Variants in NHERF2 observed in about 807,000 individuals in gnomAD.
NHERF2 encodes Na(+)/H(+) exchange regulatory cofactor NHE-RF2.
chr16:2,028,966 G>C, the NHERF2 span, among the ~76,000 whole-genome samples: 1 of 152,316 alleles, frequency 6.6e-6, no homozygotes, highest in East Asian at 1.9e-4. Context: ...CTGTGTGTGG[G>C]TGCCCGAGCC....
At chr16:2,034,958 T>G in the NHERF2 span, among the ~76,000 whole-genome samples, 6 of 152,106 alleles carry the variant, frequency 3.9e-5, no homozygotes, top group Admixed American at 2.0e-4. Context: ...TGAGTCTATG[T>G]GGTGGGGCCC....
the NHERF2 span, chr16:2,033,299 G>C: frequency 2.6e-6 from 4 of 1,532,632 alleles, no homozygotes; most frequent in South Asian, 1.2e-5. Flanking sequence ...CGGCCAGAGA[G>C]TTCAGGCCAC....
At chr16:2,036,915 G>A in the NHERF2 span, 1 of 1,586,982 alleles carries the variant, frequency 6.3e-7, no homozygotes. Flanking sequence ...GGTGGGTGCG[G>A]TGTGGTGGCT....
chr16:2,037,882 C>T, the NHERF2 span: 4 of 1,606,612 alleles, frequency 2.5e-6, no homozygotes, highest in Non-Finnish European at 3.4e-6. Context: ...ACCTGAGCCC[C>T]ACGGCGGCCG....
the NHERF2 span, chr16:2,036,675 C>T: frequency 4.6e-5 from 73 of 1,595,318 alleles, no homozygotes; most frequent in Middle Eastern, 8.4e-4. Flanking sequence ...GGCCACGCGG[C>T]GTTGGGGGCT....
chr16:2,030,347 C>T, the NHERF2 span, among the ~76,000 whole-genome samples: 3 of 152,102 alleles, frequency 2.0e-5, no homozygotes, highest in Admixed American at 1.3e-4. Flanking sequence ...CCAGGGTGAG[C>T]CCACTCCTCC....
the NHERF2 span, among the ~76,000 whole-genome samples, chr16:2,028,269 C>T: frequency 0.16 from 24,525 of 152,274 alleles, 2,401 homozygotes; most frequent in Non-Finnish European, 0.23. Context: ...CGGCCGGCCC[C>T]ATGCCTTCCA....
chr16:2,032,801 G>A, the NHERF2 span: 108 of 996,878 alleles, frequency 1.1e-4, no homozygotes, highest in Non-Finnish European at 1.3e-4. This position sits in a 1 kb window ranked among gnomAD's most constrained non-coding sequence, Gnocchi z 4.0. Flanking sequence ...CCCAAACAGA[G>A]ACGGGGTGGC....
the NHERF2 span, chr16:2,035,533 G>A: frequency 2.0e-6 from 2 of 986,564 alleles, no homozygotes; most frequent in South Asian, 9.4e-5. Context: ...AACCTGAGCT[G>A]CCTCCTGCCT....
the NHERF2 span, among the ~76,000 whole-genome samples, chr16:2,029,083 G>A: frequency 6.6e-6 from 1 of 152,200 alleles, no homozygotes; most frequent in Non-Finnish European, 1.5e-5. Flanking sequence ...CTCCCACACT[G>A]CACGGCAGAG....
chr16:2,029,789 C>A, the NHERF2 span: 1 of 1,546,628 alleles, frequency 6.5e-7, no homozygotes, highest in Non-Finnish European at 8.7e-7. Context: ...GAAGGTATGG[C>A]GGGCTTGGCC....
At chr16:2,038,403 C>T in the NHERF2 span, 2 of 363,744 alleles carry the variant, frequency 5.5e-6, no homozygotes, top group South Asian at 4.0e-5. Flanking sequence ...ACCAGAGACC[C>T]CCCCCCTTCC....
chr16:2,036,588 A>G, the NHERF2 span: 1 of 1,512,608 alleles, frequency 6.6e-7, no homozygotes, highest in Middle Eastern at 2.2e-4. Flanking sequence ...GAGGAGGGAG[A>G]CGCTGGGAAC....
chr16:2,027,456 G>A, the NHERF2 span, among the ~76,000 whole-genome samples: 4 of 152,222 alleles, frequency 2.6e-5, no homozygotes. Flanking sequence ...CGCTGGCCTC[G>A]CCCTTTGGTC....
the NHERF2 span, chr16:2,029,644 A>C: frequency 6.3e-7 from 1 of 1,575,830 alleles, no homozygotes; most frequent in Non-Finnish European, 8.6e-7. Context: ...ACCAGGAGAC[A>C]GATGAGGAGC....
chr16:2,035,845 A>G, the NHERF2 span: 1 of 263,118 alleles, frequency 3.8e-6, no homozygotes, highest in Non-Finnish European at 5.9e-6. Context: ...TGTGAAAGCA[A>G]ACAGAGCCGC....
At chr16:2,035,797 C>A in the NHERF2 span, 1 of 596,986 alleles carries the variant, frequency 1.7e-6, no homozygotes, top group African/African-American at 2.0e-5. Context: ...CCCCTGCTTG[C>A]TGGGCCCACG....
the NHERF2 span, chr16:2,036,612 C>A: frequency 6.6e-7 from 1 of 1,525,416 alleles, no homozygotes; most frequent in Non-Finnish European, 8.8e-7. Context: ...AGCTGGTGCG[C>A]CTCCTGCTGC....
the NHERF2 span, chr16:2,038,034 T>C: frequency 6.3e-7 from 1 of 1,599,760 alleles, no homozygotes; most frequent in South Asian, 1.1e-5. Context: ...GCACGGACCT[T>C]GGGCCTCAGC....
Sources: allele counts gnomAD v4.1 joint callset (sites outside exome capture counted in the v4.1 genomes callset), GRCh38; gene constraint gnomAD v4.1.1; non-coding constraint Gnocchi (gnomAD v3.1); transcripts MANE v1.5; gene names NCBI Gene and HGNC (gene_info 2026-07-23, HGNC 2026-07-21).